Variants in BTBD2 observed in about 807,000 individuals in gnomAD.
BTBD2 encodes the protein BTB/POZ domain-containing protein 2.
BTBD2 carries 15 observed loss-of-function variants against 44.0 expected under a neutral mutation model. That is an observed-to-expected ratio of 0.34 (90% CI 0.23 to 0.53). The LOEUF is 0.53. Ranked by LOEUF, BTBD2 falls within the 20% of genes least tolerant of loss-of-function variation. BTBD2 has a pLI of 0.95. For missense variants in BTBD2, 657 were observed against 746.4 expected, an observed-to-expected ratio of 0.88 and a Z score of 1.39; for synonymous variants, 443 against 335.9, an observed-to-expected ratio of 1.32 and a Z score of -3.49.
chr19:1,990,140 A>T lies in BTBD2; in HGVS notation c.852T>A (p.Asn284Lys). 1 of 1,612,012 alleles carries T rather than the reference A, an allele frequency of 6.2e-7. No individual in the cohort carries two copies. The highest frequency in any genetic ancestry group is 8.5e-7 in the Non-Finnish European group (1 of 1,179,638). The change falls in exon 5 of 9, where the codon AAT becomes AAA. Residue 284 changes from asparagine to lysine, a missense_variant. Physicochemically the swap from Asn to Lys is moderately conservative, Grantham distance 94 (BLOSUM62 0). Around this residue, in one of 3 missense-constraint regions of BTBD2, gnomAD observed 449 missense variants for 510.9 expected, o/e 0.88. Coordinates refer to ENST00000255608, the MANE Select transcript of BTBD2 (RefSeq NM_017797.4). ...CGGCCTCGGACCAGCGGACAACGGC[A>T]TTGAACAGCCGCACCTCACGGATGC... Reference protein sequence around the residue: ...TLGIREVRLFNAVVRWSEAEC... With the variant: ...TLGIREVRLFKAVVRWSEAEC...
chr19:1,996,562 AG>A (rs1160390214), intron 2 of BTBD2, among the ~76,000 whole-genome samples: 7 of 148,556 alleles, frequency 4.7e-5, no homozygotes, highest in Admixed American at 1.3e-4. Flanking sequence ...AAAAAAAAAA[AG>A]AAGGAAAGAA....
intron 1 of BTBD2, among the ~76,000 whole-genome samples, chr19:1,999,790 C>T (rs561637358): frequency 6.1e-4 from 92 of 151,928 alleles, no homozygotes; most frequent in Middle Eastern, 6.8e-3. Flanking sequence ...GGTGAAACCC[C>T]GTCTCTACTA....
chr19:1,986,365 G>A lies in BTBD2; in HGVS notation c.*123C>T, dbSNP rs2016080996. ...CTGATGCTGAGAAAGGTGGCATGGA[G>A]TGGACAGACGGCCTGGGGGACACTG... On this transcript the variant is annotated 3_prime_UTR_variant, in exon 9 of 9. Transcript: ENST00000255608. The A allele has an allele frequency of 8.2e-7, 1 of 1,222,878 alleles. No homozygotes were observed. The highest frequency in any genetic ancestry group is 1.5e-5 in the African/African-American group (1 of 67,284). 75.8% of individuals were successfully genotyped at this position (1,222,878 alleles called of 1,614,324 possible).
At chr19:1,993,772 G>C (rs2016213479) in intron 2 of BTBD2, among the ~76,000 whole-genome samples, 1 of 151,684 alleles carries the variant, frequency 6.6e-6, no homozygotes, top group Admixed American at 6.6e-5. Context: ...GAGGCGGGCA[G>C]ATCGCCTGAG....
rs1274758792 is a variant in BTBD2 at position 1,986,887 on chromosome 19, G to A, written c.1359C>T (p.Phe453=). 1 of 1,613,110 alleles carries A rather than the reference G, an allele frequency of 6.2e-7. No homozygotes were observed. Among genetic ancestry groups the A allele is most frequent in the African/African-American group, 1.3e-5 (1 of 75,064 alleles). Residue 453 remains phenylalanine, a synonymous_variant, in exon 8 of 9, where the codon TTC becomes TTT. Coordinates refer to ENST00000255608, the MANE Select transcript of BTBD2 (RefSeq NM_017797.4). Reference sequence around the variant, plus strand: ...TGGGCAGCACCTCCACCGGCTCCTTGAACATGACGCGGAAGGTGCTGGCTG... The same window carrying A: ...TGGGCAGCACCTCCACCGGCTCCTTAAACATGACGCGGAAGGTGCTGGCTG... ...DGSASTFRVM[F]KEPVEVLPNV... is the part of the protein sequence containing the mutation.
At position 1,990,744 on chromosome 19, in the gene BTBD2, C is replaced by T. The variant is rs1031843350; in HGVS notation, c.763G>A (p.Ala255Thr). The change falls in exon 4 of 9, where the codon GCG (alanine) becomes ACG (threonine). Residue 255 changes from alanine to threonine, a missense_variant. Ala to Thr is a moderately conservative substitution (Grantham distance 58). Transcript: ENST00000255608. ...AGGTCAATGTCGGTGAAGCCCTCCGCGGTGATGGCGTCTGCAGTGTTTTTG... is the reference window on the plus strand; with the variant it reads ...AGGTCAATGTCGGTGAAGCCCTCCGTGGTGATGGCGTCTGCAGTGTTTTTG... ...IDKNTADAIT[A>T]EGFTDIDLDT... The T allele has an allele frequency of 3.7e-6, 6 of 1,603,398 alleles. No individual in the cohort carries two copies. Among genetic ancestry groups the T allele is most frequent in the South Asian group, 1.1e-5 (1 of 89,028 alleles).
intron 5 of BTBD2, chr19:1,988,017 G>A: frequency 3.4e-6 from 1 of 297,426 alleles, no homozygotes; most frequent in South Asian, 5.8e-5. Flanking sequence ...CACTGTGGGT[G>A]GGGGCGGGGG....
intron 1 of BTBD2, among the ~76,000 whole-genome samples, chr19:2,002,071 TTTTA>T: frequency 6.6e-6 from 1 of 151,976 alleles, no homozygotes; most frequent in Non-Finnish European, 1.5e-5. Context: ...TTTCATTTAT[TTTTA>T]TTTCATTTTT....
chr19:1,997,760 G>A (rs1168687708), intron 1 of BTBD2, among the ~76,000 whole-genome samples: 12 of 152,352 alleles, frequency 7.9e-5, no homozygotes, highest in Non-Finnish European at 7.3e-5. Context: ...CGTCAGGCAC[G>A]CACTCATTCA....
At chr19:1,987,076 C>A in intron 7 of BTBD2, 90 bp downstream of exon 7, 1 of 1,594,206 alleles carries the variant, frequency 6.3e-7, no homozygotes, top group Non-Finnish European at 8.6e-7. Context: ...AGCACAGGGA[C>A]CAGGGCCGGG....
intron 1 of BTBD2, among the ~76,000 whole-genome samples, chr19:2,001,727 G>A (rs1436213940): frequency 6.6e-6 from 1 of 152,196 alleles, no homozygotes; most frequent in Admixed American, 6.5e-5. Flanking sequence ...TCATCTGGCT[G>A]CAAGATGTCC....
intron 1 of BTBD2, among the ~76,000 whole-genome samples, chr19:2,005,099 C>T (rs1019765578): frequency 4.6e-5 from 7 of 152,030 alleles, no homozygotes; most frequent in African/African-American, 1.7e-4. Context: ...GGATTACAGG[C>T]GTGAGCCACT....
chr19:1,993,898 G>A lies in BTBD2; in HGVS notation c.528-722C>T, dbSNP rs534474589. ...TGTAGTCCCAGCTACTTGGGAGGCTGAGGCAAGAGAATCGCTTGAACCTGG... is the reference window on the plus strand; with the variant it reads ...TGTAGTCCCAGCTACTTGGGAGGCTAAGGCAAGAGAATCGCTTGAACCTGG... On this transcript the variant is annotated intron_variant, in intron 2 of 8. Coordinates refer to ENST00000255608, the MANE Select transcript of BTBD2 (RefSeq NM_017797.4). Among the ~76,000 whole-genome samples the A allele has an allele frequency of 3.2e-4, 48 of 150,376 alleles. 2 individuals are homozygous for A. The highest frequency in any genetic ancestry group is 1.1e-3 in the African/African-American group (47 of 41,138).
intron 3 of BTBD2, 164 bp from the exon 4 acceptor site, chr19:1,990,986 G>A (rs2016169357): frequency 1.6e-6 from 1 of 616,054 alleles, no homozygotes; most frequent in South Asian, 1.9e-5. Context: ...CCTGTTGTGG[G>A]CCCAGAGACT....
Position 1,993,092 on chromosome 19 carries a change from C to G in BTBD2, c.612G>C (p.Ala204=), listed in dbSNP as rs1299629133. 6.2e-7 allele frequency: 1 copy of G among 1,608,826 alleles called. No individual in the cohort carries two copies. ...LYTAKKYAVP[A]LEAHCVEFLK... is the part of the protein sequence containing the mutation. ...GGAACTCCACGCAATGGGCCTCGAG[C>G]GCTGGCACCGCGTACTTCTTGGCGG... The change falls in exon 3 of 9, where the codon GCG becomes GCC. Residue 204 remains alanine (A), a synonymous_variant. Transcript: ENST00000255608.
In BTBD2 at chr19:1,989,814, CAG is replaced by C. The variant is rs899712704; in HGVS notation, c.988+188_988+189del. 6.5e-5 allele frequency: 42 copies of C among 648,464 alleles called. No individual in the cohort carries two copies. The African/African-American group carries it at 7.3e-4, about 11-fold the overall frequency. The allele number at this position is 648,464 out of a possible 1,614,324, so 40.2% of individuals were successfully genotyped here. On this transcript the variant is annotated intron_variant, in intron 5 of 8. Transcript: ENST00000255608. ...GGTCTGGCAGTGTGCACGGTGGGGA[CAG>C]AGCCGGGCCGGGGCTAACAGATGGC... is the stretch of plus-strand genomic sequence containing the variant.
intron 3 of BTBD2, chr19:1,991,196 G>C (rs536706552): frequency 5.0e-6 from 1 of 200,786 alleles, no homozygotes; most frequent in Non-Finnish European, 1.0e-5. Context: ...GGCCGGGGCC[G>C]ACCGGTGAAG....
chr19:2,000,691 C>G (rs2016318207), intron 1 of BTBD2, among the ~76,000 whole-genome samples: 1 of 152,184 alleles, frequency 6.6e-6, no homozygotes, highest in Admixed American at 6.6e-5. Context: ...TCTGTAACCC[C>G]TTCCCCTTCC....
chr19:1,986,548 C>G lies in BTBD2; in HGVS notation c.1518G>C (p.Gly506=). ...KTCFTFCYAA[G]NNNGTSVEDG... is the part of the protein sequence containing the mutation. Reference sequence around the variant, plus strand: ...CCTCCACGGATGTGCCATTGTTGTTCCCGGCCGCGTAGCAAAAGGTGAAGC... The same window carrying G: ...CCTCCACGGATGTGCCATTGTTGTTGCCGGCCGCGTAGCAAAAGGTGAAGC... The change falls in exon 9 of 9, where the codon GGG becomes GGC. Residue 506 remains glycine (G), a synonymous_variant. Coordinates refer to ENST00000255608, the MANE Select transcript of BTBD2 (RefSeq NM_017797.4). 5 of 1,614,090 alleles carry G rather than the reference C, an allele frequency of 3.1e-6. No homozygotes were observed. The highest frequency in any genetic ancestry group is 1.1e-5 in the South Asian group (1 of 91,086).
Sources: allele counts gnomAD v4.1 joint callset (sites outside exome capture counted in the v4.1 genomes callset), GRCh38; gene constraint gnomAD v4.1.1; regional missense constraint gnomAD v4.1.1; transcripts MANE v1.5; gene names NCBI Gene and HGNC (gene_info 2026-07-23, HGNC 2026-07-21).